CCDC13: variants seen among roughly 807,000 people sequenced by gnomAD.
CCDC13 encodes coiled-coil domain containing 13.
Under a neutral mutation model 87.3 loss-of-function variants are expected in CCDC13, and 70 were observed. The ratio of observed to expected loss-of-function variants is 0.80; its 90% CI spans 0.66 to 0.98. CCDC13 has a LOEUF of 0.98. Ranked by LOEUF, CCDC13 falls within the 50% of genes least tolerant of loss-of-function variation. CCDC13 has a pLI of 0.00. For missense variants in CCDC13, 842 were observed against 892.0 expected (o/e 0.94, Z 0.71); for synonymous variants, 317 against 360.3 (o/e 0.88, Z 1.36).
At chr3:42,743,421 T>TA (rs1254072309) in intron 7 of CCDC13, among the ~76,000 whole-genome samples, 1 of 147,894 alleles carries the variant, frequency 6.8e-6, no homozygotes, top group Non-Finnish European at 1.5e-5. Context: ...TTTATTTATT[T>TA]ATTTATTTAT....
intron 5 of CCDC13, among the ~76,000 whole-genome samples, chr3:42,750,315 G>A (rs1383246196): frequency 2.6e-5 from 4 of 152,160 alleles, no homozygotes; most frequent in African/African-American, 9.7e-5. Flanking sequence ...CCTTCCAGCT[G>A]CAACCTTAAT....
chr3:42,744,859 G>C (rs1312392868), intron 7 of CCDC13: 1 of 133,342 alleles, frequency 7.5e-6, no homozygotes, highest in African/African-American at 2.8e-5. Flanking sequence ...ATGACAATAA[G>C]AAGTAAGTTG....
chr3:42,739,543 G>A (rs899286529), intron 9 of CCDC13, 91 bp downstream of exon 9: 191 of 1,374,292 alleles, frequency 1.4e-4, no homozygotes, highest in Admixed American at 1.1e-4. Flanking sequence ...GGCATTGAGG[G>A]GTGAGTGAGG....
In CCDC13 at chr3:42,752,587, C is replaced by T; in HGVS notation, c.501G>A (p.Glu167=). The T allele has an allele frequency of 6.2e-7, 1 of 1,614,222 alleles. No homozygotes were observed. The change falls in exon 4 of 16, where the codon GAG becomes GAA. Residue 167 remains glutamate, a synonymous_variant. Transcript: ENST00000310232. ...CAAGGCCCCTCACTTCCCGCTCCAG[C>T]TCCTGGATGCGATTGGTCAGCTGCT... is the stretch of plus-strand genomic sequence containing the variant. ...RVKQLTNRIQ[E]LERELQTALT...
intron 13 of CCDC13, among the ~76,000 whole-genome samples, chr3:42,720,621 AGTCATGG>A (rs1698538398): frequency 6.6e-6 from 1 of 152,238 alleles, no homozygotes; most frequent in Non-Finnish European, 1.5e-5. Flanking sequence ...AATTATAAGA[AGTCATGG>A]GAATGTGGAT....
chr3:42,763,987 A>G (rs1699885031), intron 1 of CCDC13, among the ~76,000 whole-genome samples: 1 of 152,226 alleles, frequency 6.6e-6, no homozygotes, highest in Non-Finnish European at 1.5e-5. Flanking sequence ...GAAAAGCAGG[A>G]CAACTCCAAG....
chr3:42,752,445 T>C, intron 4 of CCDC13, 130 bp downstream of exon 4: 1 of 1,151,742 alleles, frequency 8.7e-7, no homozygotes, highest in East Asian at 2.4e-5. Flanking sequence ...CACCATATAC[T>C]GCGTGACTTG....
At chr3:42,747,419 T>C (rs760457696) in intron 5 of CCDC13, 46 bp from the exon 6 acceptor site, 5 of 1,287,352 alleles carry the variant, frequency 3.9e-6, no homozygotes, top group Middle Eastern at 1.8e-4. Flanking sequence ...ATTGCCTACA[T>C]GGGAATAGTA....
chr3:42,705,111 GTA>G (rs1698145749), downstream of CCDC13, among the ~76,000 whole-genome samples: 1 of 152,200 alleles, frequency 6.6e-6, no homozygotes, highest in Non-Finnish European at 1.5e-5. Flanking sequence ...ACATACGTGT[GTA>G]TATGTGTGTT....
chr3:42,705,104 T>C (rs1698145201), downstream of CCDC13, among the ~76,000 whole-genome samples: 1 of 152,328 alleles, frequency 6.6e-6, no homozygotes, highest in Middle Eastern at 3.4e-3. Context: ...GTATCGTACA[T>C]ACGTGTGTAT....
chr3:42,751,844 C>T (rs1409642373), intron 5 of CCDC13, 92 bp downstream of exon 5: 5 of 1,179,642 alleles, frequency 4.2e-6, no homozygotes, highest in Non-Finnish European at 4.9e-6. Context: ...GGGGGTGGAC[C>T]TCGGGTAGAG....
At position 42,706,171 on chromosome 3, in the gene CCDC13, G is replaced by A. The variant is rs1243020107; in HGVS notation, c.*2809C>T. ...GGCTGGCATGCTGTTGGCACTCACTGACTGCCTGGTGGCCGACTGGCTGGA... is the reference window on the plus strand; with the variant it reads ...GGCTGGCATGCTGTTGGCACTCACTAACTGCCTGGTGGCCGACTGGCTGGA... On this transcript the variant is annotated 3_prime_UTR_variant, in exon 16 of 16. Coordinates refer to ENST00000310232, the MANE Select transcript of CCDC13 (RefSeq NM_144719.4). 1 of 152,430 alleles carries A rather than the reference G, an allele frequency of 6.6e-6. No individual in the cohort carries two copies. Among genetic ancestry groups the A allele is most frequent in the Non-Finnish European group, 1.5e-5 (1 of 68,188 alleles). 9.4% of individuals were successfully genotyped at this position (152,430 alleles called of 1,614,324 possible).
intron 14 of CCDC13, among the ~76,000 whole-genome samples, chr3:42,710,886 T>G (rs1235850369): frequency 6.6e-6 from 1 of 152,020 alleles, no homozygotes; most frequent in Non-Finnish European, 1.5e-5. Context: ...CAACTAGAGC[T>G]GCCCTGGATG....
chr3:42,720,485 T>C (rs931198685), intron 13 of CCDC13, among the ~76,000 whole-genome samples: 1 of 152,160 alleles, frequency 6.6e-6, no homozygotes, highest in East Asian at 1.9e-4. Flanking sequence ...AATCCCAAAC[T>C]TACCAAGGTT....
intron 14 of CCDC13, 121 bp from the exon 15 acceptor site, chr3:42,709,919 C>A: frequency 1.3e-6 from 1 of 743,506 alleles, no homozygotes; most frequent in South Asian, 1.6e-5. Context: ...ACACCGCCTT[C>A]GGGGTGCAGG....
chr3:42,730,961 C>T (rs1488115174), intron 12 of CCDC13, among the ~76,000 whole-genome samples: 1 of 152,028 alleles, frequency 6.6e-6, no homozygotes, highest in East Asian at 1.9e-4. Flanking sequence ...TCAGGTGTGC[C>T]CAGTCTCTGT....
chr3:42,709,842 C>T, intron 14 of CCDC13, 44 bp from the exon 15 acceptor site: 1 of 1,435,360 alleles, frequency 7.0e-7, no homozygotes, highest in Non-Finnish European at 9.8e-7. Context: ...GGCCACAGCC[C>T]TGTGCTAGCA....
chr3:42,770,183 ACC>A (rs1700035249), intron 1 of CCDC13, among the ~76,000 whole-genome samples: 1 of 152,200 alleles, frequency 6.6e-6, no homozygotes, highest in South Asian at 2.1e-4. Context: ...TTGTGAGTGC[ACC>A]AATCAGCACT....
intron 12 of CCDC13, among the ~76,000 whole-genome samples, chr3:42,731,320 T>C (rs1215833100): frequency 6.6e-6 from 1 of 151,898 alleles, no homozygotes; most frequent in African/African-American, 2.4e-5. Context: ...CATGTGATCC[T>C]GAGGGCTGAC....
Sources: gnomAD v4.1 joint callset for allele counts (sites outside exome capture counted in the v4.1 genomes callset) on GRCh38, gnomAD v4.1.1 for gene constraint, MANE v1.5 for transcripts, NCBI Gene and HGNC (gene_info 2026-07-23, HGNC 2026-07-21) for gene names.